The following CGREF1 variants were observed in gnomAD, a reference collection of about 807,000 sequenced individuals.
The protein encoded by CGREF1 is cell growth regulator with EF hand domain protein 1.
CGREF1 carries 16 observed loss-of-function variants against 17.4 expected under a neutral mutation model. That is an observed-to-expected ratio of 0.92 (90% CI 0.62 to 1.40). CGREF1 has a LOEUF of 1.40. Ranked by LOEUF, CGREF1 falls within the 40% of genes most tolerant of loss-of-function variation. The pLI, the probability that CGREF1 is intolerant of heterozygous loss-of-function variation, is 0.00. For synonymous variants in CGREF1, 142 were observed against 154.6 expected (o/e 0.92, Z 0.61); for missense variants, 296 against 376.4 (o/e 0.79, Z 1.77).
intron 1 of CGREF1, among the ~76,000 whole-genome samples, chr2:27,115,576 T>C (rs1671538101): frequency 6.6e-6 from 1 of 152,198 alleles, no homozygotes; most frequent in Non-Finnish European, 1.5e-5. Flanking sequence ...GTCTCTGGTA[T>C]TTTCTCCACT....
At chr2:27,104,853 T>G in intron 1 of CGREF1, 1 of 1,394,210 alleles carries the variant, frequency 7.2e-7, no homozygotes. Flanking sequence ...TTGTGTTTAT[T>G]AAAAACCCAC....
At chr2:27,106,147 C>T (rs1322431211) in intron 1 of CGREF1, among the ~76,000 whole-genome samples, 1 of 152,228 alleles carries the variant, frequency 6.6e-6, no homozygotes, top group Non-Finnish European at 1.5e-5. Flanking sequence ...ATTCAGACTT[C>T]CACTTCTGGG....
At chr2:27,114,294 T>G (rs1483187097) in intron 1 of CGREF1, among the ~76,000 whole-genome samples, 1 of 151,362 alleles carries the variant, frequency 6.6e-6, no homozygotes, top group Non-Finnish European at 1.5e-5. Flanking sequence ...CACCCGGCCC[T>G]CAGATGCCTT....
intron 1 of CGREF1, among the ~76,000 whole-genome samples, chr2:27,108,788 A>G (rs1245883184): frequency 1.3e-5 from 2 of 152,230 alleles, no homozygotes; most frequent in Admixed American, 1.3e-4. Context: ...CAGCAAAATT[A>G]TCTTGCAGAA....
At chr2:27,104,730 C>T (rs1671053149) in intron 1 of CGREF1, 3 of 1,524,572 alleles carry the variant, frequency 2.0e-6, no homozygotes, top group Non-Finnish European at 2.6e-6. Flanking sequence ...TCAGCCCATT[C>T]ATCTTACAGA....
At position 27,108,429 on chromosome 2, in the gene CGREF1, G is replaced by A. The variant is rs562015895; in HGVS notation, c.-11-4052C>T. Among the ~76,000 whole-genome samples the A allele has an allele frequency of 1.2e-4, 19 of 152,218 alleles. No homozygotes were observed. In the South Asian group the frequency reaches 3.7e-3, roughly 30 times the overall value. On this transcript the variant is annotated intron_variant, in intron 1 of 5. Coordinates refer to ENST00000402394, the MANE Select transcript of CGREF1 (RefSeq NM_006569.6). ...TAAAACAGAGGTTAAGTGGCAAGGT[G>A]GATGGAGAAGATAAGAGATACAACT...
intron 1 of CGREF1, among the ~76,000 whole-genome samples, chr2:27,111,959 T>G (rs1055605139): frequency 4.0e-5 from 6 of 151,792 alleles, no homozygotes; most frequent in Non-Finnish European, 7.4e-5. Context: ...GCGGCCAGAG[T>G]GGGCGCCAAG....
chr2:27,112,946 G>A lies in CGREF1; in HGVS notation c.-12+5900C>T, dbSNP rs142157891. 2.0e-5 allele frequency among the ~76,000 whole-genome samples: 3 copies of A among 152,336 alleles called. No homozygotes were observed. The East Asian group carries it at 5.8e-4, about 29-fold the overall frequency. On this transcript the variant is annotated intron_variant, in intron 1 of 5. Transcript: ENST00000402394. ...TCCACCACCTGGGCCTCAGCAGGAA[G>A]TAGAAGACAGAAATCTCCCTAGAAA...
Position 27,101,524 on chromosome 2 carries a change from G to A in CGREF1, c.707C>T (p.Pro236Leu). The A allele has an allele frequency of 6.2e-7, 1 of 1,605,958 alleles. No homozygotes were observed. The highest frequency in any genetic ancestry group is 8.5e-7 in the Non-Finnish European group (1 of 1,177,930). Residue 236 changes from proline (P) to leucine (L), a missense_variant, in exon 6 of 6, where the codon CCT becomes CTT. Physicochemically the swap from Pro to Leu is moderately conservative, Grantham distance 98. Coordinates refer to ENST00000402394, the MANE Select transcript of CGREF1 (RefSeq NM_006569.6). Reference protein sequence around the residue: ...EGQAEAKGDAPGPRGEAGGQA... With the variant: ...EGQAEAKGDALGPRGEAGGQA... Reference sequence around the variant, plus strand: ...GCCCCCAGCTTCCCCTCTGGGCCCAGGGGCATCTCCTTTAGCCTCTGCCTG... The same window carrying A: ...GCCCCCAGCTTCCCCTCTGGGCCCAAGGGCATCTCCTTTAGCCTCTGCCTG...
intron 1 of CGREF1, among the ~76,000 whole-genome samples, chr2:27,117,785 A>T (rs1281086972): frequency 6.8e-6 from 1 of 146,012 alleles, no homozygotes; most frequent in Non-Finnish European, 1.5e-5. Context: ...CTCGGCTCAC[A>T]GCAAGCTCCG....
chr2:27,109,286 C>G (rs10190104), intron 1 of CGREF1, among the ~76,000 whole-genome samples: 2 of 150,964 alleles, frequency 1.3e-5, no homozygotes, highest in African/African-American at 2.4e-5. Flanking sequence ...GTGGTAGGAT[C>G]GCTTGAGCCC....
intron 1 of CGREF1, among the ~76,000 whole-genome samples, chr2:27,116,883 C>CTA: frequency 1.4e-5 from 1 of 70,324 alleles, no homozygotes; most frequent in African/African-American, 6.3e-5. Context: ...CTCTCTCTCT[C>CTA]TCTCTCTCTC....
At chr2:27,103,134 C>T in intron 2 of CGREF1, 7 of 984,866 alleles carry the variant, frequency 7.1e-6, no homozygotes, top group Non-Finnish European at 8.4e-6. Context: ...AATGTGCTCC[C>T]ACTTCTGGAC....
chr2:27,106,955 C>G (rs1039760686), intron 1 of CGREF1, among the ~76,000 whole-genome samples: 1 of 152,124 alleles, frequency 6.6e-6, no homozygotes, highest in African/African-American at 2.4e-5. Flanking sequence ...TTAATGCTAC[C>G]TGTATGGTCA....
Position 27,101,100 on chromosome 2 carries a change from GGTAATC to G in CGREF1, c.*168_*173del. Reference sequence around the variant, plus strand: ...GGATGAATTCATTCAGTTCTTTATTGGTAATCTGCCCCTTAACTTAGGGTCTCCCTG... The same window carrying G: ...GGATGAATTCATTCAGTTCTTTATTGTGCCCCTTAACTTAGGGTCTCCCTG... On this transcript the variant is annotated 3_prime_UTR_variant, in exon 6 of 6. Coordinates refer to ENST00000402394, the MANE Select transcript of CGREF1 (RefSeq NM_006569.6). 7.3e-7 allele frequency: 1 copy of G among 1,371,836 alleles called. No homozygotes were observed. The allele number at this position is 1,371,836 out of a possible 1,614,324, so 85.0% of individuals were successfully genotyped here.
At chr2:27,104,661 G>C in intron 1 of CGREF1, 1 of 1,550,558 alleles carries the variant, frequency 6.4e-7, no homozygotes, top group Non-Finnish European at 8.7e-7. Flanking sequence ...CCATTCCCTT[G>C]CTCCCCACTA....
chr2:27,112,451 G>A (rs1269854811), intron 1 of CGREF1, among the ~76,000 whole-genome samples: 1 of 152,164 alleles, frequency 6.6e-6, no homozygotes, highest in Non-Finnish European at 1.5e-5. Flanking sequence ...AGCTTTGATA[G>A]TCTTACAATC....
intron 1 of CGREF1, among the ~76,000 whole-genome samples, chr2:27,117,771 C>T (rs1671639071): frequency 6.9e-6 from 1 of 145,550 alleles, no homozygotes; most frequent in African/African-American, 2.5e-5. Flanking sequence ...TGCAATGGCA[C>T]GATCTCGGCT....
chr2:27,115,738 A>G (rs1188349871), intron 1 of CGREF1, among the ~76,000 whole-genome samples: 1 of 152,140 alleles, frequency 6.6e-6, no homozygotes, highest in Admixed American at 6.5e-5. Context: ...GTTACTGTTG[A>G]CTCATCTTCC....
Sources: allele counts gnomAD v4.1 joint callset (sites outside exome capture counted in the v4.1 genomes callset), GRCh38; gene constraint gnomAD v4.1.1; transcripts MANE v1.5; gene names NCBI Gene and HGNC (gene_info 2026-07-23, HGNC 2026-07-21).